Variants in SYNE2 observed in about 807,000 individuals in gnomAD.
SYNE2 encodes nesprin-2.
A neutral mutation model predicts 856.3 loss-of-function variants in SYNE2; 431 were observed. The ratio of observed to expected loss-of-function variants is 0.50; its 90% CI spans 0.47 to 0.55. SYNE2 has a LOEUF of 0.55. Among genes scored for constraint, SYNE2 ranks in the 20% least tolerant of loss-of-function variants. The pLI is 0.00. For synonymous variants in SYNE2, 2,923 were observed against 2,872.3 expected, an observed-to-expected ratio of 1.02 and a Z score of -0.56; for missense variants, 8,129 against 8,023.2, an observed-to-expected ratio of 1.01 and a Z score of -0.50.
intron 70 of SYNE2, chr14:64,122,672 C>T (rs762353642): frequency 2.7e-5 from 17 of 621,432 alleles, no homozygotes; most frequent in Non-Finnish European, 4.2e-5. Flanking sequence ...TGTTTATAGT[C>T]TGTATTCCCC....
At chr14:64,126,910 C>A in intron 73 of SYNE2, 103 bp downstream of exon 73, 2 of 1,243,014 alleles carry the variant, frequency 1.6e-6, no homozygotes, top group Non-Finnish European at 2.3e-6. Context: ...ATAAGAATTG[C>A]TAAGGGAAAT....
chr14:63,974,379 G>A (rs1022396973), intron 11 of SYNE2, among the ~76,000 whole-genome samples: 9 of 152,216 alleles, frequency 5.9e-5, no homozygotes, highest in Non-Finnish European at 5.9e-5. Context: ...CACATGGCAA[G>A]AGAGGAAGCG....
chr14:63,872,196 T>C (rs1897007237), intron 1 of SYNE2, among the ~76,000 whole-genome samples: 1 of 151,864 alleles, frequency 6.6e-6, no homozygotes. Flanking sequence ...TTTGGGAGGC[T>C]GAGGCGGATG....
At chr14:64,204,383 C>T (rs2140027671) in intron 100 of SYNE2, 1 of 152,282 alleles carries the variant, frequency 6.6e-6, no homozygotes, top group Non-Finnish European at 1.5e-5. Context: ...ACAATTTACC[C>T]TGAGTGGTGA....
At chr14:64,053,784 C>A (rs1241651835) in intron 48 of SYNE2, 127 bp downstream of exon 48, 2 of 834,180 alleles carry the variant, frequency 2.4e-6, no homozygotes, top group Non-Finnish European at 1.8e-6. Flanking sequence ...GCCAACATGG[C>A]AAAACTGCAT....
Position 64,223,087 on chromosome 14 carries a change from T to C in SYNE2, c.20191-102T>C, listed in dbSNP as rs116073135. On this transcript the variant is annotated intron_variant, in intron 112 of 115. Coordinates refer to ENST00000555002, the MANE Select transcript of SYNE2 (RefSeq NM_182914.3). ...GGATTCTCGAGTTGAGTACTACCCATCATTCATTCTGGAATTTTTCTGGTA... is the reference window on the plus strand; with the variant it reads ...GGATTCTCGAGTTGAGTACTACCCACCATTCATTCTGGAATTTTTCTGGTA... The C allele has an allele frequency of 3.3e-4, 384 of 1,160,102 alleles. No individual in the cohort carries two copies. In the African/African-American group the frequency reaches 4.9e-3, roughly 15 times the overall value. 71.9% of individuals were successfully genotyped at this position (1,160,102 alleles called of 1,614,324 possible).
chr14:64,128,102 T>C (rs1012747994), intron 73 of SYNE2, among the ~76,000 whole-genome samples: 6 of 152,202 alleles, frequency 3.9e-5, no homozygotes, highest in African/African-American at 1.4e-4. Flanking sequence ...GGAATTATTA[T>C]TGATGGCAGG....
At chr14:63,775,455 T>C (rs1471055093) in intron 1 of SYNE2, among the ~76,000 whole-genome samples, 1 of 151,952 alleles carries the variant, frequency 6.6e-6, no homozygotes, top group African/African-American at 2.4e-5. Flanking sequence ...TTTGTATTTT[T>C]AGTAGAGACT....
At chr14:64,199,111 CA>C (rs1209891337) in intron 99 of SYNE2, among the ~76,000 whole-genome samples, 1 of 152,212 alleles carries the variant, frequency 6.6e-6, no homozygotes, top group Admixed American at 6.5e-5. Flanking sequence ...GCCTCCTCCC[CA>C]GGCACCTGCT....
At chr14:64,170,085 A>T in intron 93 of SYNE2, 143 bp from the exon 94 acceptor site, 1 of 782,628 alleles carries the variant, frequency 1.3e-6, no homozygotes, top group Non-Finnish European at 2.2e-6. Flanking sequence ...TTTAAATTGA[A>T]TAGCACTCAG....
intron 1 of SYNE2, among the ~76,000 whole-genome samples, chr14:63,791,737 A>G (rs1378120960): frequency 1.3e-5 from 2 of 152,074 alleles, no homozygotes; most frequent in Non-Finnish European, 2.9e-5. Flanking sequence ...AGGTCAGGAG[A>G]TTGAGACCAT....
In SYNE2 at chr14:63,773,466, G is replaced by A. The variant is rs906368936; in HGVS notation, c.-305+11480G>A. 5.9e-5 allele frequency among the ~76,000 whole-genome samples: 9 copies of A among 152,150 alleles called. 1 individual carries two copies. Among genetic ancestry groups the A allele is most frequent in the Admixed American group, 5.2e-4 (8 of 15,266 alleles). On this transcript the variant is annotated intron_variant, in intron 1 of 23. Coordinates refer to the SYNE2 transcript ENST00000674003. Reference sequence around the variant, plus strand: ...TCCACCCGCCTCACCCTTCTAAAGTGCTGGGATTACAGGTGTGAGCCACTG... The same window carrying A: ...TCCACCCGCCTCACCCTTCTAAAGTACTGGGATTACAGGTGTGAGCCACTG...
At chr14:63,884,548 G>A (rs756754286) in intron 1 of SYNE2, among the ~76,000 whole-genome samples, 1 of 152,136 alleles carries the variant, frequency 6.6e-6, no homozygotes, top group Non-Finnish European at 1.5e-5. Context: ...GTGGCACGGG[G>A]TGTGTAGTGG....
chr14:64,125,851 A>G (rs1279513036), intron 71 of SYNE2, among the ~76,000 whole-genome samples: 3 of 152,162 alleles, frequency 2.0e-5, no homozygotes, highest in Non-Finnish European at 4.4e-5. Context: ...CCTCCTCTGC[A>G]GCCTGCTCCT....
At chr14:63,799,561 G>A (rs1315455271) in intron 1 of SYNE2, among the ~76,000 whole-genome samples, 4 of 151,876 alleles carry the variant, frequency 2.6e-5, no homozygotes, top group Admixed American at 6.6e-5. Flanking sequence ...AAATTTAGCC[G>A]GGCGTGGTGG....
At chr14:64,055,481 G>A (rs1183922231) in intron 48 of SYNE2, among the ~76,000 whole-genome samples, 3 of 148,322 alleles carry the variant, frequency 2.0e-5, no homozygotes, top group Non-Finnish European at 4.4e-5. Flanking sequence ...CGATTCTTCT[G>A]CCTCAGCCTC....
At position 64,214,332 on chromosome 14, in the gene SYNE2, C is replaced by T; in HGVS notation, c.19195C>T (p.Pro6399Ser). ...TCAGTCCCTGTGTCATCTAGTGGCC[C>T]CAGGGCACGAGCGGTCTGGCTGCGA... ...SPQSLCHLVAPGHERSGCETP... is the reference protein window; with the variant it reads ...SPQSLCHLVASGHERSGCETP... Residue 6399 changes from proline (P) to serine (S), a missense_variant, in exon 106 of 116, where the codon CCA (proline) becomes TCA (serine). Pro to Ser is a moderately conservative substitution (Grantham distance 74). Transcript: ENST00000555002. 1 of 1,614,106 alleles carries T rather than the reference C, an allele frequency of 6.2e-7. No individual in the cohort carries two copies. Among genetic ancestry groups the T allele is most frequent in the Non-Finnish European group, 8.5e-7 (1 of 1,180,008 alleles).
At chr14:63,828,918 C>CA (rs1296621720) in intron 1 of SYNE2, among the ~76,000 whole-genome samples, 3 of 151,488 alleles carry the variant, frequency 2.0e-5, no homozygotes, top group East Asian at 1.9e-4. Context: ...CCAATAAATA[C>CA]AAAAAAAGAT....
intron 48 of SYNE2, among the ~76,000 whole-genome samples, chr14:64,054,874 C>T (rs1438189614): frequency 1.3e-5 from 2 of 152,182 alleles, no homozygotes; most frequent in Non-Finnish European, 2.9e-5. Context: ...GATACTATAT[C>T]TGGAATATTT....
Sources: gnomAD v4.1 joint callset for allele counts (sites outside exome capture counted in the v4.1 genomes callset) on GRCh38, gnomAD v4.1.1 for gene constraint, MANE v1.5 for transcripts, NCBI Gene and HGNC (gene_info 2026-07-23, HGNC 2026-07-21) for gene names.